The following ALOXE3 variants were observed in gnomAD, a reference collection of about 807,000 sequenced individuals.
ALOXE3 encodes hydroperoxide isomerase ALOXE3.
A neutral mutation model predicts 87.5 loss-of-function variants in ALOXE3; 78 were observed. The ratio of observed to expected loss-of-function variants is 0.89; its 90% CI spans 0.74 to 1.08. The LOEUF is 1.08. Among genes scored for constraint, ALOXE3 ranks in the 50% least tolerant of loss-of-function variants. ALOXE3 has a pLI of 0.00. For missense variants in ALOXE3, 946 were observed against 912.4 expected, an observed-to-expected ratio of 1.04 and a Z score of -0.47; for synonymous variants, 363 against 370.8, an observed-to-expected ratio of 0.98 and a Z score of 0.24.
intron 11 of ALOXE3, among the ~76,000 whole-genome samples, 187 bp downstream of exon 11, chr17:8,109,729 G>A (rs1218573455): frequency 1.3e-5 from 2 of 151,796 alleles, no homozygotes; most frequent in African/African-American, 4.8e-5. Context: ...GTCTGTGAAG[G>A]GGGCCGGTAG....
rs1028235811 is a variant in ALOXE3, at chr17:8,108,064, AAAGG to A, written c.1684+400_1684+403del. ...GAAAGAAAGAAAGAAAGAAAGAAAG[AAAGG>A]AAGAGAGGTTGGTGGCTGGAGGGGC... is the stretch of plus-strand genomic sequence containing the variant. On this transcript the variant is annotated intron_variant, in intron 13 of 15. Coordinates refer to ENST00000448843, the MANE Select transcript of ALOXE3 (RefSeq NM_021628.3). Among the ~76,000 whole-genome samples, 3 of 149,450 alleles carry A rather than the reference AAAGG, an allele frequency of 2.0e-5. 1 individual carries two copies. Among genetic ancestry groups the A allele is most frequent in the East Asian group, 2.0e-4 (1 of 5,068 alleles).
Position 8,109,318 on chromosome 17 carries a change from A to G in ALOXE3, c.1418T>C (p.Leu473Pro). The change falls in exon 12 of 16, where the codon CTC becomes CCC. Residue 473 changes from leucine to proline, a missense_variant. By Grantham distance (98) the Leu-to-Pro change is moderately conservative. Transcript: ENST00000448843. ...DQVTSIGRQG[L>P]IYLMSTGLAH... Reference sequence around the variant, plus strand: ...CAGGCCCGTGCTCATGAGGTAGATGAGGCCTTGCCTCCCGATGGACGTGAC... The same window carrying G: ...CAGGCCCGTGCTCATGAGGTAGATGGGGCCTTGCCTCCCGATGGACGTGAC... 1 of 1,614,006 alleles carries G rather than the reference A, an allele frequency of 6.2e-7. No individual in the cohort carries two copies. Among genetic ancestry groups the G allele is most frequent in the Non-Finnish European group, 8.5e-7 (1 of 1,180,032 alleles).
In ALOXE3 at chr17:8,108,549, C is replaced by T. The variant is rs144996877; in HGVS notation, c.1603G>A (p.Ala535Thr). 2.0e-5 allele frequency: 33 copies of T among 1,612,998 alleles called. No individual in the cohort carries two copies. The Admixed American group carries it at 3.5e-4, about 17-fold the overall frequency. The part of the protein sequence containing the change: ...EIVGYYYPSD[A>T]SVQQDSELQA... ...AGCTCCGAATCCTGCTGCACAGATG[C>T]GTCACTGGGATAATAGTAGCCCACG... Residue 535 changes from alanine to threonine, a missense_variant, in exon 13 of 16, where the codon GCA becomes ACA. Physicochemically the swap from Ala to Thr is moderately conservative, Grantham distance 58 (BLOSUM62 0). Transcript: ENST00000448843.
chr17:8,115,750 C>T (rs1598217948), intron 3 of ALOXE3, 62 bp from the exon 4 acceptor site: 1 of 1,528,920 alleles, frequency 6.5e-7, no homozygotes, highest in East Asian at 2.3e-5. Context: ...TTCTGCAAAC[C>T]TTGCCTGAAC....
In ALOXE3 at chr17:8,109,857, G is replaced by A. The variant is rs534307908; in HGVS notation, c.1392+59C>T. ...GGGCGCAGAACAGGGCTTGGGGGCG[G>A]GTAGCGGGGCAAAGCGTCTTCGGGG... On this transcript the variant is annotated intron_variant, in intron 11 of 15. Transcript: ENST00000448843. 40 of 1,497,232 alleles carry A rather than the reference G, an allele frequency of 2.7e-5. No individual in the cohort carries two copies. In the African/African-American group the frequency reaches 5.4e-4, roughly 20 times the overall value. The allele number at this position is 1,497,232 out of a possible 1,614,324, so 92.7% of individuals were successfully genotyped here. A position where few individuals can be genotyped will look rare whatever the true frequency, so the allele number is the denominator to read the frequency against.
In ALOXE3 at chr17:8,113,201, G is replaced by C. The variant is rs186757733; in HGVS notation, c.681-1005C>G. On this transcript the variant is annotated intron_variant, in intron 6 of 15. Transcript: ENST00000448843. ...AACTCCTCCATGAACACATGCCTTG[G>C]ATCTTTCACACTCATCATTTCCCAC... 2.4e-3 allele frequency among the ~76,000 whole-genome samples: 368 copies of C among 152,208 alleles called. 11 individuals carry two copies. In the South Asian group the frequency reaches 0.046, roughly 19 times the overall value.
intron 13 of ALOXE3, among the ~76,000 whole-genome samples, chr17:8,106,765 A>T (rs1253951189): frequency 1.3e-5 from 2 of 152,102 alleles, no homozygotes; most frequent in Non-Finnish European, 2.9e-5. Context: ...GTGGAGGTTA[A>T]CTTGTGTGTT....
chr17:8,109,585 C>A (rs1016127340), intron 11 of ALOXE3, among the ~76,000 whole-genome samples: 1 of 152,030 alleles, frequency 6.6e-6, no homozygotes, highest in African/African-American at 2.4e-5. Context: ...AGCCGGGGAG[C>A]CTGGCTGGGC....
chr17:8,096,142 T>A lies in ALOXE3; in HGVS notation c.*485A>T. On this transcript the variant is annotated 3_prime_UTR_variant, in exon 16 of 16. Coordinates refer to ENST00000448843, the MANE Select transcript of ALOXE3 (RefSeq NM_021628.3). ...GCTAGGGACAAAGGGGACCACATGT[T>A]AGACCCAGGCACACAGTCCTTCTGT... 1 of 168,716 alleles carries A rather than the reference T, an allele frequency of 5.9e-6. No homozygotes were observed. The highest frequency in any genetic ancestry group is 1.3e-5 in the Non-Finnish European group (1 of 77,274). The allele number at this position is 168,716 out of a possible 1,614,324, so 10.5% of individuals were successfully genotyped here.
intron 8 of ALOXE3, 42 bp from the exon 9 acceptor site, chr17:8,110,570 C>A: frequency 1.2e-6 from 2 of 1,612,726 alleles, no homozygotes; most frequent in South Asian, 2.2e-5. Context: ...TCCCTACTCG[C>A]GCTCCACTTC....
intron 15 of ALOXE3, among the ~76,000 whole-genome samples, chr17:8,097,616 C>T (rs1338711672): frequency 1.3e-5 from 2 of 152,148 alleles, no homozygotes; most frequent in African/African-American, 4.8e-5. Flanking sequence ...ATCCTGTGTA[C>T]AGGACTGTCC....
intron 6 of ALOXE3, among the ~76,000 whole-genome samples, chr17:8,113,580 G>A (rs1490851922): frequency 6.6e-6 from 1 of 152,108 alleles, no homozygotes; most frequent in African/African-American, 2.4e-5. Context: ...TTGAACCCAG[G>A]AAGTGGAGAC....
intron 11 of ALOXE3, 21 bp from the exon 12 acceptor site, chr17:8,109,364 G>A (rs1216180194): frequency 3.7e-6 from 6 of 1,611,350 alleles, no homozygotes; most frequent in Admixed American, 3.3e-5. Context: ...AGCACAGCTC[G>A]GCTCCCGGGC....
At chr17:8,104,437 G>A (rs2289589) in intron 13 of ALOXE3, among the ~76,000 whole-genome samples, 2,946 of 152,212 alleles carry the variant, frequency 0.019, 88 homozygotes, top group East Asian at 0.13. Context: ...GAAAATCCCC[G>A]GCAGGCAGGG....
intron 14 of ALOXE3, 31 bp from the exon 15 acceptor site, chr17:8,103,524 T>C: frequency 6.2e-7 from 1 of 1,612,460 alleles, no homozygotes; most frequent in South Asian, 1.1e-5. Context: ...GTTGGGTCAG[T>C]TGGCCAGAAG....
rs1192314638 is a variant in ALOXE3, at chr17:8,103,054, G to A, written c.1956+269C>T. On this transcript the variant is annotated intron_variant, in intron 15 of 15. Transcript: ENST00000448843. ...GACACATAGGAAGTATCCAACAAAT[G>A]TTTATTGAATGTTTGCATTAACACA... 2.0e-5 allele frequency among the ~76,000 whole-genome samples: 3 copies of A among 152,318 alleles called. No individual in the cohort carries two copies. The East Asian group carries it at 5.8e-4, about 29-fold the overall frequency.
Position 8,096,799 on chromosome 17 carries a change from A to G in ALOXE3, c.1964T>C (p.Leu655Pro), listed in dbSNP as rs752524928. ...GAAGTGCTCATCTGGGTAGGTGCCC[A>G]GGGGCCTCTGGGAGGACATCAGGTA... ...VSQEPKDQRPLGTYPDEHFTE... is the reference protein window; with the variant it reads ...VSQEPKDQRPPGTYPDEHFTE... Residue 655 changes from leucine to proline, a missense_variant, in exon 16 of 16, where the codon CTG (leucine) becomes CCG (proline). Coordinates refer to ENST00000448843, the MANE Select transcript of ALOXE3 (RefSeq NM_021628.3). The G allele has an allele frequency of 6.2e-7, 1 of 1,614,132 alleles. No individual in the cohort carries two copies. The highest frequency in any genetic ancestry group is 1.7e-5 in the Admixed American group (1 of 60,024).
Position 8,117,879 on chromosome 17 carries a change from G to C in ALOXE3, c.112C>G (p.Leu38Val). ...GCGAAGTCCCTGCCCATTCGATCTA[G>C]CCGCTGCTTGGGGCTTTCACCACAC... ...GTCGESPKQR[L>V]DRMGRDFAPG... Residue 38 changes from leucine (L) to valine (V), a missense_variant, in exon 2 of 16, where the codon CTA (leucine) becomes GTA (valine). Leu to Val is a conservative substitution (Grantham distance 32, BLOSUM62 1). Coordinates refer to ENST00000448843, the MANE Select transcript of ALOXE3 (RefSeq NM_021628.3). 1 of 1,611,848 alleles carries C rather than the reference G, an allele frequency of 6.2e-7. No homozygotes were observed. The highest frequency in any genetic ancestry group is 8.5e-7 in the Non-Finnish European group (1 of 1,179,670).
rs1979706501 is a variant in ALOXE3, at chr17:8,108,512, G to A, written c.1640C>T (p.Thr547Ile). 2 of 1,613,584 alleles carry A rather than the reference G, an allele frequency of 1.2e-6. No individual in the cohort carries two copies. Among genetic ancestry groups the A allele is most frequent in the Non-Finnish European group, 1.7e-6 (2 of 1,179,718 alleles). The change falls in exon 13 of 16, where the codon ACT (threonine) becomes ATT (isoleucine). Residue 547 changes from threonine to isoleucine, a missense_variant. Thr to Ile is a moderately conservative substitution (Grantham distance 89). Transcript: ENST00000448843. ...GAACGCCTGAGCAAAAATCTCGCCA[G>A]TCCAGGCCTGCAGCTCCGAATCCTG... ...VQQDSELQAW[T>I]GEIFAQAFLG...
Sources: gnomAD v4.1 joint callset for allele counts (sites outside exome capture counted in the v4.1 genomes callset) on GRCh38, gnomAD v4.1.1 for gene constraint, MANE v1.5 for transcripts, NCBI Gene and HGNC (gene_info 2026-07-23, HGNC 2026-07-21) for gene names.